The following NRG1 variants were observed in gnomAD, a reference collection of about 807,000 sequenced individuals.
NRG1 encodes the protein neuregulin 1, also known as pro-neuregulin-1, membrane-bound isoform.
NRG1 carries 18 observed loss-of-function variants against 63.8 expected under a neutral mutation model. The ratio of observed to expected loss-of-function variants is 0.28; its 90% confidence interval spans 0.19 to 0.42. The LOEUF (loss-of-function observed/expected upper bound fraction) is 0.42, where lower values mean the gene tolerates loss of function less well. Among genes scored for constraint, NRG1 ranks in the 10% least tolerant of loss-of-function variants. The probability of loss-of-function intolerance (pLI) is 1.00; values close to 1 mark genes in which losing one functional copy is unlikely to be tolerated. For missense variants in NRG1, 762 were observed against 814.7 expected, an observed-to-expected ratio of 0.94 and a Z score of 0.79; for synonymous variants, 302 against 301.3, an observed-to-expected ratio of 1.00 and a Z score of -0.02.
intron 1 of NRG1, among the ~76,000 whole-genome samples, chr8:32,389,533 G>C (rs980297681): frequency 6.6e-6 from 1 of 152,074 alleles, no homozygotes; most frequent in Non-Finnish European, 1.5e-5. Flanking sequence ...ATCAAGTCTG[G>C]TTGAACCTAT....
At chr8:31,940,097 A>G (rs1383294984) in intron 1 of NRG1, among the ~76,000 whole-genome samples, 2 of 152,180 alleles carry the variant, frequency 1.3e-5, no homozygotes, top group Admixed American at 6.5e-5. Flanking sequence ...TGCAGAGTAT[A>G]CATTCTACTC....
intron 5 of NRG1, among the ~76,000 whole-genome samples, chr8:32,694,680 G>T (rs140333998): frequency 4.9e-4 from 75 of 152,308 alleles, no homozygotes; most frequent in African/African-American, 1.8e-3. Context: ...ACGTGTGGGT[G>T]TGTGCACATG....
At chr8:31,805,268 AAATT>A (rs1241848143) in intron 1 of NRG1, among the ~76,000 whole-genome samples, 7 of 152,032 alleles carry the variant, frequency 4.6e-5, no homozygotes, top group Admixed American at 2.6e-4. Flanking sequence ...TTTGTGCTTT[AAATT>A]AATTGTAGTA....
intron 5 of NRG1, among the ~76,000 whole-genome samples, chr8:32,628,651 T>G (rs1470165519): frequency 6.6e-6 from 1 of 151,576 alleles, no homozygotes; most frequent in African/African-American, 2.4e-5. Flanking sequence ...TCATTCAGCT[T>G]AGTGAAAAAA....
intron 1 of NRG1, among the ~76,000 whole-genome samples, chr8:32,536,949 A>AAAAAT (rs1563600097): frequency 2.8e-5 from 4 of 141,698 alleles, no homozygotes; most frequent in Admixed American, 7.0e-5. Context: ...AAAAAAAAAA[A>AAAAAT]TTCTGTTTGT....
At chr8:32,248,785 C>G (rs1276126547) in intron 1 of NRG1, among the ~76,000 whole-genome samples, 1 of 151,974 alleles carries the variant, frequency 6.6e-6, no homozygotes, top group Non-Finnish European at 1.5e-5. Context: ...AGAACATTCA[C>G]AAGTAGAATA....
intron 3 of NRG1, among the ~76,000 whole-genome samples, chr8:32,610,978 AT>A (rs903211389): frequency 2.6e-5 from 4 of 152,272 alleles, no homozygotes; most frequent in African/African-American, 9.6e-5. Flanking sequence ...CTCAGTCTGT[AT>A]ATAGGAAACC....
chr8:32,065,316 T>C (rs1018098162), intron 1 of NRG1, among the ~76,000 whole-genome samples: 2 of 152,166 alleles, frequency 1.3e-5, no homozygotes, highest in African/African-American at 4.8e-5. Flanking sequence ...ACTCATCATT[T>C]AACATTAGGT....
At chr8:32,397,669 T>G (rs1812618306) in intron 1 of NRG1, among the ~76,000 whole-genome samples, 1 of 152,148 alleles carries the variant, frequency 6.6e-6, no homozygotes, top group Non-Finnish European at 1.5e-5. Flanking sequence ...CTATATTCAT[T>G]TATAATATTA....
intron 1 of NRG1, among the ~76,000 whole-genome samples, chr8:31,992,292 A>T (rs1352235488): frequency 6.6e-6 from 1 of 152,116 alleles, no homozygotes; most frequent in African/African-American, 2.4e-5. Flanking sequence ...GGGGGTACCA[A>T]AAAACAGAGA....
At chr8:31,906,723 C>T (rs563271004) in intron 1 of NRG1, among the ~76,000 whole-genome samples, 58 of 152,150 alleles carry the variant, frequency 3.8e-4, no homozygotes, top group African/African-American at 1.4e-3. Context: ...TGAGATTTAA[C>T]TTCATTGCTT....
At chr8:31,665,842 A>G (rs1196911758) in intron 1 of NRG1, among the ~76,000 whole-genome samples, 1 of 152,140 alleles carries the variant, frequency 6.6e-6, no homozygotes, top group Non-Finnish European at 1.5e-5. Context: ...CCATTTTCAA[A>G]TGAGTTTCCT....
chr8:32,697,026 G>A (rs1440457134), intron 5 of NRG1, among the ~76,000 whole-genome samples: 1 of 152,230 alleles, frequency 6.6e-6, no homozygotes, highest in African/African-American at 2.4e-5. Flanking sequence ...GGTTAATAGA[G>A]TGAAAGTCCT....
chr8:32,769,713 T>C (rs1831660521), downstream of NRG1, among the ~76,000 whole-genome samples: 1 of 152,206 alleles, frequency 6.6e-6, no homozygotes, highest in African/African-American at 2.4e-5. Context: ...ACTTTCAGTT[T>C]ATGAAAGACA....
chr8:32,768,726 G>A (rs1831602886), downstream of NRG1, among the ~76,000 whole-genome samples: 1 of 152,120 alleles, frequency 6.6e-6, no homozygotes, highest in Non-Finnish European at 1.5e-5. Context: ...TATATTCCAA[G>A]CATTTCACTC....
intron 1 of NRG1, among the ~76,000 whole-genome samples, chr8:31,816,267 A>G (rs1305935036): frequency 2.0e-5 from 3 of 152,298 alleles, no homozygotes; most frequent in Middle Eastern, 3.4e-3. Context: ...TGTTGGGGGA[A>G]CACATGTCCT....
intron 2 of NRG1, among the ~76,000 whole-genome samples, chr8:32,602,006 C>T (rs994719554): frequency 6.6e-6 from 1 of 152,008 alleles, no homozygotes; most frequent in South Asian, 2.1e-4. Flanking sequence ...TTTATGTCAC[C>T]AGTTTTCGTA....
intron 1 of NRG1, among the ~76,000 whole-genome samples, chr8:31,911,638 A>T (rs577059643): frequency 7.7e-4 from 117 of 152,330 alleles, no homozygotes; most frequent in Middle Eastern, 3.4e-3. Flanking sequence ...GGCTTAATAC[A>T]TTGGGTGACA....
chr8:31,731,414 T>TCACACA (rs1478363452), intron 1 of NRG1, among the ~76,000 whole-genome samples: 3 of 87,756 alleles, frequency 3.4e-5, no homozygotes, highest in East Asian at 8.9e-4. Flanking sequence ...CAAAATTATG[T>TCACACA]CATACACACA....
Sources: allele counts gnomAD v4.1 joint callset (sites outside exome capture counted in the v4.1 genomes callset), GRCh38; gene constraint gnomAD v4.1.1; transcripts MANE v1.5; gene names NCBI Gene and HGNC (gene_info 2026-07-23, HGNC 2026-07-21).